SGCZ: variants seen among roughly 807,000 people sequenced by gnomAD.
SGCZ encodes the protein sarcoglycan zeta.
Under a neutral mutation model 41.3 loss-of-function variants are expected in SGCZ, and 40 were observed. The ratio of observed to expected loss-of-function variants is 0.97; its 90% CI spans 0.75 to 1.26. SGCZ has a LOEUF of 1.26. Ranked by LOEUF, SGCZ falls within the 50% of genes most tolerant of loss-of-function variation. The probability of loss-of-function intolerance (pLI) is 0.00; values close to 1 mark genes in which losing one functional copy is unlikely to be tolerated. For missense variants in SGCZ, 552 were observed against 369.8 expected, an observed-to-expected ratio of 1.49 and a Z score of -4.04; for synonymous variants, 206 against 137.5, an observed-to-expected ratio of 1.50 and a Z score of -3.49.
chr8:15,117,146 C>T (rs767431895), intron 1 of SGCZ, among the ~76,000 whole-genome samples: 4 of 152,046 alleles, frequency 2.6e-5, no homozygotes, highest in African/African-American at 7.2e-5. Flanking sequence ...CCAAGGCAGG[C>T]GGATAACGAG....
chr8:14,118,766 A>G (rs139670546), intron 5 of SGCZ, among the ~76,000 whole-genome samples: 1 of 152,154 alleles, frequency 6.6e-6, no homozygotes, highest in African/African-American at 2.4e-5. Context: ...GTCCAGTGTC[A>G]GTTTTCTGCA....
In SGCZ at chr8:14,615,294, T is replaced by C. The variant is rs77359017; in HGVS notation, c.40-60368A>G. Among the ~76,000 whole-genome samples the C allele has an allele frequency of 9.3e-3, 1,416 of 152,256 alleles. 20 individuals carry two copies. The highest frequency in any genetic ancestry group is 0.032 in the African/African-American group (1,344 of 41,554). On this transcript the variant is annotated intron_variant, in intron 1 of 7. Coordinates refer to ENST00000382080, the MANE Select transcript of SGCZ (RefSeq NM_139167.4). ...TAGCAAACAGCCAGATTTCAGCCAG[T>C]TGCAAGCAATGCACTCATCACACCA...
At chr8:14,592,853 GACAA>G (rs1266768555) in intron 1 of SGCZ, among the ~76,000 whole-genome samples, 1 of 152,106 alleles carries the variant, frequency 6.6e-6, no homozygotes, top group African/African-American at 2.4e-5. Context: ...CAGACTAGAA[GACAA>G]ACAATTACAG....
Position 14,271,676 on chromosome 8 carries a change from A to C in SGCZ, c.337-33997T>G, listed in dbSNP as rs573480393. On this transcript the variant is annotated intron_variant, in intron 3 of 7. Coordinates refer to ENST00000382080, the MANE Select transcript of SGCZ (RefSeq NM_139167.4). ...TGGTTTTCTGCTGGAGATGAAACAC[A>C]CAGATCAACCTCCTTGACTGGGGTT... Among the ~76,000 whole-genome samples, 4 of 152,278 alleles carry C rather than the reference A, an allele frequency of 2.6e-5. No homozygotes were observed. In the South Asian group the frequency reaches 8.3e-4, roughly 32 times the overall value.
At chr8:15,157,237 T>A (rs1407227389) in intron 1 of SGCZ, among the ~76,000 whole-genome samples, 1 of 151,628 alleles carries the variant, frequency 6.6e-6, no homozygotes, top group East Asian at 2.0e-4. Context: ...ATTTTTCTCA[T>A]AAAAGTAGCG....
chr8:14,571,999 A>T (rs1804568696), intron 1 of SGCZ, among the ~76,000 whole-genome samples: 1 of 152,230 alleles, frequency 6.6e-6, no homozygotes, highest in African/African-American at 2.4e-5. Context: ...ATTGTTTAAA[A>T]TACTTAAAAA....
chr8:14,748,405 T>A (rs1799400729), intron 1 of SGCZ, among the ~76,000 whole-genome samples: 1 of 152,188 alleles, frequency 6.6e-6, no homozygotes, highest in Non-Finnish European at 1.5e-5. Context: ...CATCCTGACT[T>A]CTATCCTTTA....
intron 4 of SGCZ, among the ~76,000 whole-genome samples, chr8:14,169,763 A>G (rs1185418415): frequency 2.0e-5 from 3 of 152,212 alleles, no homozygotes; most frequent in African/African-American, 7.2e-5. Context: ...ACAAGTTTTG[A>G]AAAAGAGGCA....
Position 14,702,044 on chromosome 8 carries a change from T to C in SGCZ, c.40-147118A>G, listed in dbSNP as rs117415636. On this transcript the variant is annotated intron_variant, in intron 1 of 7. Transcript: ENST00000382080. ...ACTGTCTCCACCTTCTTCAGTCTCATTCAAAATTCTCCCATTAGGTTCTTG... is the reference window on the plus strand; with the variant it reads ...ACTGTCTCCACCTTCTTCAGTCTCACTCAAAATTCTCCCATTAGGTTCTTG... Among the ~76,000 whole-genome samples the C allele has an allele frequency of 1.8e-3, 270 of 152,016 alleles. 2 individuals are homozygous for C. In the South Asian group the frequency reaches 0.019, roughly 11 times the overall value.
chr8:14,877,897 T>G (rs989672975), intron 1 of SGCZ, among the ~76,000 whole-genome samples: 1 of 149,344 alleles, frequency 6.7e-6, no homozygotes, highest in Non-Finnish European at 1.5e-5. Flanking sequence ...TGCAAAAGGG[T>G]TTTTTTTTTC....
chr8:14,977,745 T>C (rs1051508924), intron 1 of SGCZ, among the ~76,000 whole-genome samples: 1 of 152,142 alleles, frequency 6.6e-6, no homozygotes, highest in Non-Finnish European at 1.5e-5. Context: ...TTTTTTATTG[T>C]CTCAGACCTC....
At chr8:14,894,203 TA>T (rs994476078) in intron 1 of SGCZ, among the ~76,000 whole-genome samples, 13 of 152,202 alleles carry the variant, frequency 8.5e-5, no homozygotes, top group East Asian at 3.8e-4. Context: ...ACTTTGCTGT[TA>T]TTTTTTTTTC....
chr8:14,773,977 A>T (rs920885381), intron 1 of SGCZ, among the ~76,000 whole-genome samples: 1 of 152,220 alleles, frequency 6.6e-6, no homozygotes, highest in Non-Finnish European at 1.5e-5. Context: ...TAAGAAAATG[A>T]CTAATCAATA....
intron 1 of SGCZ, among the ~76,000 whole-genome samples, chr8:15,000,461 G>T (rs1802376018): frequency 1.3e-5 from 2 of 152,074 alleles, no homozygotes; most frequent in African/African-American, 4.8e-5. Context: ...GAAAATTATT[G>T]TCTAACAAGT....
At chr8:14,807,931 T>C (rs1231640779) in intron 1 of SGCZ, among the ~76,000 whole-genome samples, 2 of 151,650 alleles carry the variant, frequency 1.3e-5, no homozygotes, top group Admixed American at 1.3e-4. Context: ...ACGCCGCATA[T>C]CTACAACTAT....
chr8:14,854,488 A>T (rs1451046362), intron 1 of SGCZ, among the ~76,000 whole-genome samples: 2 of 152,152 alleles, frequency 1.3e-5, no homozygotes, highest in Non-Finnish European at 2.9e-5. Context: ...TATCAACTAA[A>T]TATTAAGGCA....
chr8:14,627,243 C>G (rs1806492235), intron 1 of SGCZ, among the ~76,000 whole-genome samples: 1 of 152,102 alleles, frequency 6.6e-6, no homozygotes, highest in Non-Finnish European at 1.5e-5. Context: ...CACACAGAAC[C>G]TTTAGTTTAC....
chr8:14,692,709 C>G (rs1166364706), intron 1 of SGCZ, among the ~76,000 whole-genome samples: 1 of 152,106 alleles, frequency 6.6e-6, no homozygotes, highest in Non-Finnish European at 1.5e-5. Context: ...AAAGTTCCAC[C>G]TAAATTATTG....
chr8:15,088,187 T>A (rs979658913), intron 1 of SGCZ, among the ~76,000 whole-genome samples: 1 of 152,162 alleles, frequency 6.6e-6, no homozygotes, highest in Non-Finnish European at 1.5e-5. Context: ...TGATTACCTA[T>A]GTTTTACAAA....
Sources: gnomAD v4.1 joint callset for allele counts (sites outside exome capture counted in the v4.1 genomes callset) on GRCh38, gnomAD v4.1.1 for gene constraint, MANE v1.5 for transcripts, NCBI Gene and HGNC (gene_info 2026-07-23, HGNC 2026-07-21) for gene names.